The following FSTL4 variants were observed in gnomAD, a reference collection of about 807,000 sequenced individuals.
FSTL4 encodes the protein follistatin-related protein 4.
A neutral mutation model predicts 78.2 loss-of-function variants in FSTL4; 28 were observed. The observed-to-expected ratio is 0.36, with a 90% confidence interval of 0.27 to 0.49. The LOEUF (loss-of-function observed/expected upper bound fraction) is 0.49. Among genes scored for constraint, FSTL4 ranks in the 20% least tolerant of loss-of-function variants. The probability of loss-of-function intolerance (pLI) is 0.98; values close to 1 mark genes in which losing one functional copy is unlikely to be tolerated. For synonymous variants in FSTL4, 422 were observed against 440.5 expected (o/e 0.96, Z 0.53); for missense variants, 922 against 1,084.9 (o/e 0.85, Z 2.11).
intron 4 of FSTL4, among the ~76,000 whole-genome samples, chr5:133,342,541 G>A (rs1754604388): frequency 6.6e-6 from 1 of 152,134 alleles, no homozygotes; most frequent in Non-Finnish European, 1.5e-5. Context: ...GGAACATTTG[G>A]AGTCGGCCTC....
rs552617414 is a variant in FSTL4, at chr5:133,238,995, C to T, written c.895-5458G>A. Among the ~76,000 whole-genome samples the T allele has an allele frequency of 8.5e-5, 13 of 152,260 alleles. No homozygotes were observed. The South Asian group carries it at 1.4e-3, about 17-fold the overall frequency. The stretch of plus-strand genomic sequence containing the variant: ...CAGCTTGCCGGGAGGTGTGGAGAGG[C>T]GCGGGCGGGAACCGGGGCTGTGCGA... On this transcript the variant is annotated intron_variant, in intron 7 of 15. Coordinates refer to ENST00000265342, the MANE Select transcript of FSTL4 (RefSeq NM_015082.2).
intron 3 of FSTL4, among the ~76,000 whole-genome samples, chr5:133,473,850 G>A (rs539370961): frequency 6.6e-6 from 1 of 152,218 alleles, no homozygotes; most frequent in African/African-American, 2.4e-5. Context: ...GAGGAGAAAA[G>A]CTCCTTATAA....
chr5:133,317,502 G>C (rs759071274), intron 4 of FSTL4, among the ~76,000 whole-genome samples: 1 of 152,226 alleles, frequency 6.6e-6, no homozygotes, highest in South Asian at 2.1e-4. Context: ...TGGAGAATAC[G>C]CATGGGCTCC....
chr5:133,677,038 C>T, the FSTL4 span, among the ~76,000 whole-genome samples: 5 of 152,222 alleles, frequency 3.3e-5, no homozygotes, highest in South Asian at 4.1e-4. Context: ...ATGTAATAGA[C>T]GAAAATGTCA....
At chr5:133,538,855 T>G (rs1230965144) in intron 3 of FSTL4, among the ~76,000 whole-genome samples, 1 of 151,994 alleles carries the variant, frequency 6.6e-6, no homozygotes, top group East Asian at 1.9e-4. Flanking sequence ...GTGGTTAGAG[T>G]CAGACAACAG....
At chr5:133,785,363 G>A in the FSTL4 span, among the ~76,000 whole-genome samples, 1,804 of 152,256 alleles carry the variant, frequency 0.012, 38 homozygotes, top group African/African-American at 0.04. Flanking sequence ...AGGAAAGCCC[G>A]GGAACGTTTG....
chr5:133,572,273 T>C (rs1271866038), intron 2 of FSTL4, among the ~76,000 whole-genome samples: 15 of 152,208 alleles, frequency 9.9e-5, no homozygotes, highest in Non-Finnish European at 2.1e-4. Context: ...TAGTTTTTAA[T>C]TTTTTTAACT....
rs1010755972 is a variant in FSTL4 at position 133,221,909 on chromosome 5, T to G, written c.1340-1043A>C. ...TTTTCTAGTTTTTTTTTTTTTTTTT[T>G]TTTTTTTTTTTTTTTTTTAGCATGC... is the stretch of plus-strand genomic sequence containing the variant. On this transcript the variant is annotated intron_variant, in intron 11 of 15. Transcript: ENST00000265342. Among the ~76,000 whole-genome samples, 23 of 114,508 alleles carry G rather than the reference T, an allele frequency of 2.0e-4. 1 individual carries two copies. The highest frequency in any genetic ancestry group is 8.8e-4 in the African/African-American group (20 of 22,758). The allele number at this position is 114,508 out of a possible 152,430, so 75.1% of individuals were successfully genotyped here. A position where few individuals can be genotyped will look rare whatever the true frequency, so the allele number is the denominator to read the frequency against.
chr5:133,595,643 G>A (rs957737019), intron 2 of FSTL4, among the ~76,000 whole-genome samples: 5 of 152,182 alleles, frequency 3.3e-5, no homozygotes, highest in African/African-American at 4.8e-5. Flanking sequence ...CAGGAAGGGC[G>A]CACAGTCTTC....
At chr5:133,448,382 T>C (rs1027468411) in intron 3 of FSTL4, among the ~76,000 whole-genome samples, 1 of 152,234 alleles carries the variant, frequency 6.6e-6, no homozygotes, top group Non-Finnish European at 1.5e-5. Flanking sequence ...CCCCGTATGC[T>C]GCCAGTGGCA....
intron 3 of FSTL4, among the ~76,000 whole-genome samples, chr5:133,441,951 C>T (rs764329801): frequency 1.3e-5 from 2 of 152,210 alleles, no homozygotes; most frequent in African/African-American, 4.8e-5. Flanking sequence ...TGCCAATCAA[C>T]CAGTGAGTTG....
At chr5:133,660,781 G>A in the FSTL4 span, among the ~76,000 whole-genome samples, 2 of 152,162 alleles carry the variant, frequency 1.3e-5, no homozygotes, top group African/African-American at 4.8e-5. Context: ...CACTAATTTT[G>A]ATAGATTGAG....
the FSTL4 span, among the ~76,000 whole-genome samples, chr5:133,626,566 A>G: frequency 1.3e-5 from 2 of 151,072 alleles, no homozygotes; most frequent in African/African-American, 4.9e-5. Context: ...TATGTCCCAT[A>G]ATTTTTGATA....
chr5:133,253,802 C>T (rs1301826109), intron 6 of FSTL4, among the ~76,000 whole-genome samples: 1 of 152,200 alleles, frequency 6.6e-6, no homozygotes, highest in African/African-American at 2.4e-5. Context: ...CACAGATCAC[C>T]ACATAGAATC....
intron 4 of FSTL4, among the ~76,000 whole-genome samples, chr5:133,368,995 T>G (rs1755234010): frequency 6.6e-6 from 1 of 152,180 alleles, no homozygotes; most frequent in Non-Finnish European, 1.5e-5. Context: ...GGATTCAGTT[T>G]GTCTTATGCT....
intron 15 of FSTL4, 145 bp downstream of exon 15, chr5:133,201,788 C>G: frequency 1.8e-6 from 1 of 544,258 alleles, no homozygotes; most frequent in African/African-American, 1.9e-5. Flanking sequence ...ACTGGACCTT[C>G]TCTGTTCCTT....
At chr5:133,337,201 C>A (rs1001461016) in intron 4 of FSTL4, among the ~76,000 whole-genome samples, 1 of 152,166 alleles carries the variant, frequency 6.6e-6, no homozygotes, top group Non-Finnish European at 1.5e-5. Flanking sequence ...TTCCAGACAG[C>A]GTGCACCAGG....
chr5:133,366,804 C>A lies in FSTL4; in HGVS notation c.409+33934G>T, dbSNP rs556655997. On this transcript the variant is annotated intron_variant, in intron 4 of 15. Transcript: ENST00000265342. ...GGCATCCTAATTTATAGTAATGGGA[C>A]CATTTTCAAGACTCCAGTTTTGAAC... Among the ~76,000 whole-genome samples the A allele has an allele frequency of 8.6e-5, 13 of 151,896 alleles. 1 individual carries two copies. The highest frequency in any genetic ancestry group is 2.9e-4 in the African/African-American group (12 of 41,428).
At chr5:133,222,717 A>AC (rs1351947437) in intron 11 of FSTL4, among the ~76,000 whole-genome samples, 2 of 152,292 alleles carry the variant, frequency 1.3e-5, no homozygotes, top group Non-Finnish European at 2.9e-5. Flanking sequence ...TTCACGGGAT[A>AC]CCCAGCCTCC....
Sources: gnomAD v4.1 joint callset for allele counts (sites outside exome capture counted in the v4.1 genomes callset) on GRCh38, gnomAD v4.1.1 for gene constraint, MANE v1.5 for transcripts, NCBI Gene and HGNC (gene_info 2026-07-23, HGNC 2026-07-21) for gene names.